Variants in GOT1 observed in about 807,000 individuals in gnomAD.
GOT1 encodes glutamic-oxaloacetic transaminase 1, also known as aspartate aminotransferase, cytoplasmic.
GOT1 carries 25 observed loss-of-function variants against 48.2 expected under a neutral mutation model. That is an observed-to-expected ratio of 0.52 (90% CI 0.38 to 0.72). The LOEUF (loss-of-function observed/expected upper bound fraction) is 0.72. GOT1 is among the 30% of genes least tolerant of loss of function. The pLI is 0.00. For missense variants in GOT1, 380 were observed against 520.1 expected (o/e 0.73, Z 2.62); for synonymous variants, 188 against 193.8 (o/e 0.97, Z 0.25).
intron 2 of GOT1, among the ~76,000 whole-genome samples, chr10:99,409,367 G>A (rs995812017): frequency 2.0e-5 from 3 of 152,042 alleles, no homozygotes; most frequent in Non-Finnish European, 2.9e-5. Context: ...TCCTGACCTC[G>A]TGATCCGCCT....
intron 1 of GOT1, among the ~76,000 whole-genome samples, chr10:99,423,149 G>C (rs146973854): frequency 6.6e-6 from 1 of 152,072 alleles, no homozygotes; most frequent in African/African-American, 2.4e-5. Context: ...ACAGCCTTAC[G>C]CACTGAGTGT....
chr10:99,410,945 C>T (rs2032821216), intron 2 of GOT1, among the ~76,000 whole-genome samples: 2 of 152,204 alleles, frequency 1.3e-5, no homozygotes, highest in African/African-American at 4.8e-5. Context: ...CATAAGATTG[C>T]TGGATTCTAG....
At chr10:99,409,169 G>A (rs2032798981) in intron 2 of GOT1, among the ~76,000 whole-genome samples, 1 of 151,508 alleles carries the variant, frequency 6.6e-6, no homozygotes, top group Non-Finnish European at 1.5e-5. Flanking sequence ...GTCTCGCTCT[G>A]TTGCCCAGGC....
intron 2 of GOT1, among the ~76,000 whole-genome samples, chr10:99,413,869 C>A (rs976204280): frequency 1.3e-5 from 2 of 152,068 alleles, no homozygotes; most frequent in African/African-American, 4.8e-5. Flanking sequence ...GAAATAAAAT[C>A]CTTTACAGAC....
chr10:99,420,462 C>T (rs570577903), intron 2 of GOT1, 162 bp downstream of exon 2: 85 of 606,570 alleles, frequency 1.4e-4, no homozygotes, highest in African/African-American at 1.4e-3. Flanking sequence ...TTGTACATGG[C>T]CACATTATTT....
chr10:99,401,385 T>C (rs2032675318), intron 8 of GOT1, among the ~76,000 whole-genome samples: 1 of 152,148 alleles, frequency 6.6e-6, no homozygotes, highest in South Asian at 2.1e-4. Context: ...TGAGCCCACT[T>C]CACACTGGCA....
At chr10:99,403,692 G>A (rs2032716737) in intron 6 of GOT1, 32 bp downstream of exon 6, 4 of 1,613,656 alleles carry the variant, frequency 2.5e-6, no homozygotes, top group South Asian at 1.1e-5. Flanking sequence ...ATGCGAGGAG[G>A]TGGGGCTGTA....
chr10:99,408,209 G>C (rs1019426377), intron 2 of GOT1, among the ~76,000 whole-genome samples: 3 of 152,164 alleles, frequency 2.0e-5, no homozygotes, highest in Non-Finnish European at 4.4e-5. Flanking sequence ...ACACAGTTGT[G>C]AGTGGCACAG....
chr10:99,410,820 A>G (rs1249700526), intron 2 of GOT1, among the ~76,000 whole-genome samples: 1 of 152,236 alleles, frequency 6.6e-6, no homozygotes, highest in Admixed American at 6.5e-5. Flanking sequence ...GTAAGTACAG[A>G]CTTCTCAAGG....
At chr10:99,409,129 G>GA (rs375399598) in intron 2 of GOT1, among the ~76,000 whole-genome samples, 4 of 148,000 alleles carry the variant, frequency 2.7e-5, no homozygotes, top group Admixed American at 2.7e-4. Context: ...TTTTTTTTGT[G>GA]TTTTTTTTTT....
At chr10:99,413,619 A>G (rs1374914124) in intron 2 of GOT1, among the ~76,000 whole-genome samples, 3 of 152,118 alleles carry the variant, frequency 2.0e-5, no homozygotes, top group Non-Finnish European at 4.4e-5. Flanking sequence ...AAAAACAGCA[A>G]CTCCAAGACA....
intron 2 of GOT1, among the ~76,000 whole-genome samples, chr10:99,413,170 G>A (rs1376568015): frequency 6.6e-6 from 1 of 152,134 alleles, no homozygotes; most frequent in Non-Finnish European, 1.5e-5. Flanking sequence ...CGAACCCATC[G>A]CAAAGAAGTT....
chr10:99,418,494 C>CTTTTTTTTT (rs11394746), intron 2 of GOT1, among the ~76,000 whole-genome samples: 2 of 140,614 alleles, frequency 1.4e-5, no homozygotes, highest in Non-Finnish European at 1.5e-5. Flanking sequence ...TCCCCACTTT[C>CTTTTTTTTT]TTTTTTTTTT....
chr10:99,407,205 G>GTT (rs1785201726), intron 2 of GOT1, among the ~76,000 whole-genome samples: 1 of 142,960 alleles, frequency 7.0e-6, no homozygotes, highest in Admixed American at 7.1e-5. Context: ...GTGTGTGTGT[G>GTT]CATGCACGCA....
chr10:99,398,493 G>A (rs1001412658), intron 8 of GOT1, among the ~76,000 whole-genome samples: 3 of 151,980 alleles, frequency 2.0e-5, no homozygotes, highest in Non-Finnish European at 2.9e-5. Flanking sequence ...AACATGCTGA[G>A]ACCCAGTCTC....
In GOT1 at chr10:99,397,494, G is replaced by T. The variant is rs2032616063; in HGVS notation, c.*53C>A. 2 of 1,584,548 alleles carry T rather than the reference G, an allele frequency of 1.3e-6. No homozygotes were observed. The highest frequency in any genetic ancestry group is 4.5e-5 in the East Asian group (2 of 44,730). ...TGTACATGTAGGTTTGTGCAGGCAG[G>T]GAACACACATGACAGAGAACTACTT... On this transcript the variant is annotated 3_prime_UTR_variant, in exon 9 of 9. Coordinates refer to ENST00000370508, the MANE Select transcript of GOT1 (RefSeq NM_002079.3). This position sits in a 1 kb window ranked among gnomAD's most constrained non-coding sequence, Gnocchi z 5.4.
Position 99,415,935 on chromosome 10 carries a change from C to T in GOT1, c.300+4689G>A, listed in dbSNP as rs371529923. On this transcript the variant is annotated intron_variant, in intron 2 of 8. Transcript: ENST00000370508. ...CTCAATAAATTAGGTATTGATGGGACGTATCTCAAAATAATAAGAGCTATC... is the reference window on the plus strand; with the variant it reads ...CTCAATAAATTAGGTATTGATGGGATGTATCTCAAAATAATAAGAGCTATC... 4.6e-3 allele frequency among the ~76,000 whole-genome samples: 694 copies of T among 151,996 alleles called. 3 individuals carry two copies. The highest frequency in any genetic ancestry group is 7.9e-3 in the Non-Finnish European group (538 of 67,950).
chr10:99,404,717 TC>T (rs2032730600), intron 5 of GOT1, among the ~76,000 whole-genome samples: 1 of 151,916 alleles, frequency 6.6e-6, no homozygotes, highest in Non-Finnish European at 1.5e-5. Context: ...ATCATGTCAC[TC>T]CCCGACATCC....
chr10:99,427,916 T>C (rs1403212493), intron 1 of GOT1, among the ~76,000 whole-genome samples: 1 of 152,080 alleles, frequency 6.6e-6, no homozygotes, highest in Non-Finnish European at 1.5e-5. Context: ...CCCTCCAGAG[T>C]TGTGAGCATT....
Sources: allele counts gnomAD v4.1 joint callset (sites outside exome capture counted in the v4.1 genomes callset), GRCh38; gene constraint gnomAD v4.1.1; non-coding constraint Gnocchi (gnomAD v3.1); transcripts MANE v1.5; gene names NCBI Gene and HGNC (gene_info 2026-07-23, HGNC 2026-07-21).